Variants in SBF2 observed in about 807,000 individuals in gnomAD.
SBF2 encodes the protein myotubularin-related protein 13.
SBF2 carries 112 observed loss-of-function variants against 225.2 expected under a neutral mutation model. The observed-to-expected ratio is 0.50, with a 90% CI of 0.43 to 0.58. The LOEUF (loss-of-function observed/expected upper bound fraction) is 0.58. SBF2 is among the 20% of genes least tolerant of loss of function. The pLI is 0.00. For missense variants in SBF2, 1,996 were observed against 2,206.2 expected (o/e 0.90, Z 1.91); for synonymous variants, 763 against 773.3 (o/e 0.99, Z 0.22).
At chr11:10,255,242 C>T (rs1388070237) in intron 1 of SBF2, among the ~76,000 whole-genome samples, 1 of 152,078 alleles carries the variant, frequency 6.6e-6, no homozygotes, top group African/African-American at 2.4e-5. Flanking sequence ...TTTAAGTGTT[C>T]TCAGTATACA....
At chr11:9,899,583 A>G (rs1051752124) in intron 16 of SBF2, among the ~76,000 whole-genome samples, 2 of 151,866 alleles carry the variant, frequency 1.3e-5, no homozygotes, top group African/African-American at 4.8e-5. Context: ...AACTAGATGA[A>G]CGGTGAGATT....
At chr11:10,227,945 A>G (rs1958649844) in intron 1 of SBF2, among the ~76,000 whole-genome samples, 2 of 151,330 alleles carry the variant, frequency 1.3e-5, no homozygotes, top group African/African-American at 4.8e-5. Context: ...GATTCTTCCT[A>G]CCCATGAGCA....
At chr11:10,000,847 T>C in intron 8 of SBF2, 67 bp downstream of exon 8, 3 of 828,200 alleles carry the variant, frequency 3.6e-6, no homozygotes, top group Admixed American at 1.8e-5. Context: ...TGAAATGTTA[T>C]AGGACCCAAA....
intron 16 of SBF2, among the ~76,000 whole-genome samples, chr11:9,921,240 T>C (rs1863609519): frequency 6.6e-6 from 1 of 152,052 alleles, no homozygotes; most frequent in Non-Finnish European, 1.5e-5. Flanking sequence ...CCGGCTAATT[T>C]TGTATTTTCA....
Position 9,847,006 on chromosome 11 carries a change from G to A in SBF2, c.2884C>T (p.Leu962=). 3 of 1,613,778 alleles carry A rather than the reference G, an allele frequency of 1.9e-6. No individual in the cohort carries two copies. Among genetic ancestry groups the A allele is most frequent in the Non-Finnish European group, 8.5e-7 (1 of 1,179,694 alleles). ...KEKKITMQNQ[L]QQNMQEGLQI... ...AGTCCTTCTTGCATGTTCTGCTGTA[G>A]CTGGTTCTGCATTGTAATCTTCTTC... Residue 962 remains leucine, a synonymous_variant, in exon 23 of 40, where the codon CTA becomes TTA. Transcript: ENST00000256190.
chr11:10,185,873 A>G (rs1956917849), intron 2 of SBF2, among the ~76,000 whole-genome samples: 1 of 152,094 alleles, frequency 6.6e-6, no homozygotes, highest in Non-Finnish European at 1.5e-5. Flanking sequence ...ATACATACAC[A>G]TATATATAAG....
chr11:10,103,024 C>CA lies in SBF2; in HGVS notation c.142-60044dup, dbSNP rs568883224. Among the ~76,000 whole-genome samples, 285 of 152,116 alleles carry CA rather than the reference C, an allele frequency of 1.9e-3. 1 individual carries two copies. Among genetic ancestry groups the CA allele is most frequent in the African/African-American group, 6.6e-3 (273 of 41,530 alleles). The stretch of plus-strand genomic sequence containing the variant: ...TTTTGCTTGCCTTTTGAGTAAACTA[C>CA]AAAAAATGGGGAGAGAGAAGAAACA... On this transcript the variant is annotated intron_variant, in intron 2 of 39. Coordinates refer to ENST00000256190, the MANE Select transcript of SBF2 (RefSeq NM_030962.4).
intron 2 of SBF2, among the ~76,000 whole-genome samples, chr11:10,138,941 A>G (rs910560155): frequency 3.3e-5 from 5 of 152,174 alleles, no homozygotes; most frequent in Admixed American, 6.5e-5. Flanking sequence ...TTTTCCTTGG[A>G]AAGTCTTCAT....
At chr11:10,143,350 T>C (rs970338997) in intron 2 of SBF2, among the ~76,000 whole-genome samples, 3 of 152,130 alleles carry the variant, frequency 2.0e-5, no homozygotes, top group African/African-American at 7.2e-5. Flanking sequence ...TTTTGTATTT[T>C]TAGTAGAAAC....
intron 2 of SBF2, among the ~76,000 whole-genome samples, chr11:10,099,737 G>A (rs1259181714): frequency 2.0e-5 from 3 of 152,096 alleles, no homozygotes; most frequent in African/African-American, 4.8e-5. Context: ...CAGAGTTTTT[G>A]TATGTGAGGG....
chr11:10,163,828 A>C (rs1428301347), intron 2 of SBF2, among the ~76,000 whole-genome samples: 1 of 152,194 alleles, frequency 6.6e-6, no homozygotes, highest in Non-Finnish European at 1.5e-5. Context: ...TAGAGCCTTT[A>C]AATAATTTGC....
intron 9 of SBF2, among the ~76,000 whole-genome samples, chr11:9,996,808 C>T (rs1395342609): frequency 6.6e-6 from 1 of 152,172 alleles, no homozygotes; most frequent in African/African-American, 2.4e-5. Flanking sequence ...AAAAGGTTGA[C>T]CACATATTAC....
intron 2 of SBF2, among the ~76,000 whole-genome samples, chr11:10,108,341 C>A (rs966141804): frequency 6.6e-6 from 1 of 151,866 alleles, no homozygotes; most frequent in African/African-American, 2.4e-5. Context: ...CTACATAGAC[C>A]CTAAACAAAT....
At chr11:10,301,094 T>C (rs1292125758) in intron 1 of SBF2, among the ~76,000 whole-genome samples, 2 of 152,228 alleles carry the variant, frequency 1.3e-5, no homozygotes, top group African/African-American at 4.8e-5. Context: ...GCAAACGCAT[T>C]ACTTTTCTTT....
At chr11:10,099,908 T>C (rs960681596) in intron 2 of SBF2, among the ~76,000 whole-genome samples, 1 of 150,794 alleles carries the variant, frequency 6.6e-6, no homozygotes, top group Admixed American at 6.6e-5. Flanking sequence ...AAAGTTACAA[T>C]GAAAAACACA....
chr11:10,090,942 C>T (rs574182245), intron 2 of SBF2, among the ~76,000 whole-genome samples: 1 of 151,932 alleles, frequency 6.6e-6, no homozygotes, highest in Non-Finnish European at 1.5e-5. Context: ...TACTATAAAA[C>T]GTAACTTATA....
Position 9,784,384 on chromosome 11 carries a change from G to C in SBF2, c.5286C>G (p.Pro1762=). ...KRGALLKGWK[P]RWFVLDVTKH... ...TTGTTACATCCAAAACAAACCAACGGGGCTTCCAACCTTTCAGCAAAGCCC... is the reference window on the plus strand; with the variant it reads ...TTGTTACATCCAAAACAAACCAACGCGGCTTCCAACCTTTCAGCAAAGCCC... Residue 1762 remains proline, a synonymous_variant, in exon 38 of 40, where the codon CCC becomes CCG. Transcript: ENST00000256190. 1.2e-6 allele frequency: 2 copies of C among 1,614,106 alleles called. No individual in the cohort carries two copies. Among genetic ancestry groups the C allele is most frequent in the Admixed American group, 1.7e-5 (1 of 60,022 alleles).
At chr11:9,968,230 C>A in intron 14 of SBF2, 111 bp downstream of exon 14, 1 of 926,830 alleles carries the variant, frequency 1.1e-6, no homozygotes, top group Non-Finnish European at 1.8e-6. Context: ...CTGATTCTAG[C>A]TACAGGAGTT....
chr11:10,106,613 A>G (rs1952566387), intron 2 of SBF2, among the ~76,000 whole-genome samples: 1 of 149,152 alleles, frequency 6.7e-6, no homozygotes, highest in African/African-American at 2.5e-5. Context: ...TGGGTGACAG[A>G]GCAAGACTCC....
Sources: gnomAD v4.1 joint callset for allele counts (sites outside exome capture counted in the v4.1 genomes callset) on GRCh38, gnomAD v4.1.1 for gene constraint, MANE v1.5 for transcripts, NCBI Gene and HGNC (gene_info 2026-07-23, HGNC 2026-07-21) for gene names.